The following EPS8 variants were observed in gnomAD, a reference collection of about 807,000 sequenced individuals.
EPS8 encodes the protein EGFR pathway substrate 8, signaling adaptor, also known as epidermal growth factor receptor kinase substrate 8.
Under a neutral mutation model 103.8 loss-of-function variants are expected in EPS8, and 42 were observed. The ratio of observed to expected loss-of-function variants is 0.40; its 90% CI spans 0.32 to 0.52. EPS8 has a LOEUF of 0.52. Ranked by LOEUF, EPS8 falls within the 20% of genes least tolerant of loss-of-function variation. The pLI is 0.40. For missense variants in EPS8, 969 were observed against 1,005.1 expected, an observed-to-expected ratio of 0.96 and a Z score of 0.49; for synonymous variants, 344 against 344.6, an observed-to-expected ratio of 1.00 and a Z score of 0.02.
chr12:15,671,369 T>A (rs1945814611), intron 3 of EPS8, among the ~76,000 whole-genome samples: 1 of 152,076 alleles, frequency 6.6e-6, no homozygotes, highest in Non-Finnish European at 1.5e-5. Flanking sequence ...ATAATAGGCA[T>A]TACAAGGAAC....
At chr12:15,637,104 C>G (rs1945148728) in intron 17 of EPS8, among the ~76,000 whole-genome samples, 2 of 152,310 alleles carry the variant, frequency 1.3e-5, no homozygotes, top group African/African-American at 4.8e-5. Context: ...CACCGCATCC[C>G]CTGCCTCCTG....
At chr12:15,709,771 C>T (rs1479589948) in intron 1 of EPS8, among the ~76,000 whole-genome samples, 1 of 152,194 alleles carries the variant, frequency 6.6e-6, no homozygotes, top group African/African-American at 2.4e-5. Context: ...CGCAGTGGTC[C>T]CCAGCCTTTT....
chr12:15,679,361 A>G (rs564173239), intron 3 of EPS8, among the ~76,000 whole-genome samples: 1 of 152,250 alleles, frequency 6.6e-6, no homozygotes, highest in South Asian at 2.1e-4. Context: ...TTATTTCCCA[A>G]TGCACCACTA....
In EPS8 at chr12:15,759,781, A is replaced by G. The variant is rs1299105583; in HGVS notation, c.-22+29380T>C. On this transcript the variant is annotated intron_variant, in intron 1 of 20. Transcript: ENST00000281172. The surrounding 1 kb of genome is among the most constrained non-coding windows in gnomAD (Gnocchi z 4.9). ...TTTCTTGAAACAAATGATAATGGAA[A>G]CACAACATACCAAAACCTATGTGAA... is the stretch of plus-strand genomic sequence containing the variant. 3.9e-5 allele frequency among the ~76,000 whole-genome samples: 6 copies of G among 152,110 alleles called. No homozygotes were observed. Among genetic ancestry groups the G allele is most frequent in the Non-Finnish European group, 7.4e-5 (5 of 67,968 alleles).
Position 15,700,863 on chromosome 12 carries a change from A to G in EPS8, c.-21-17891T>C, listed in dbSNP as rs1241164506. 6.6e-6 allele frequency among the ~76,000 whole-genome samples: 1 copy of G among 152,222 alleles called. No homozygotes were observed. Among genetic ancestry groups the G allele is most frequent in the African/African-American group, 2.4e-5 (1 of 41,458 alleles). On this transcript the variant is annotated intron_variant, in intron 1 of 20. Transcript: ENST00000281172. The surrounding 1 kb of genome is among the most constrained non-coding windows in gnomAD (Gnocchi z 5.1). ...TCAAACACTGATTAGACAAAATTGA[A>G]GTCTATCACAAAATAGACAAAGGAC...
rs534046028 is a variant in EPS8, at chr12:15,788,528, G to A, written c.-22+633C>T. Among the ~76,000 whole-genome samples, 5 of 152,272 alleles carry A rather than the reference G, an allele frequency of 3.3e-5. No individual in the cohort carries two copies. The South Asian group carries it at 1.0e-3, about 32-fold the overall frequency. ...AGAGGGCAGGGAGTACATGGGTGGG[G>A]AAACCCCTTTCAAATGCATGAACTG... On this transcript the variant is annotated intron_variant, in intron 1 of 20. Coordinates refer to ENST00000281172, the MANE Select transcript of EPS8 (RefSeq NM_004447.6).
chr12:15,722,299 G>A (rs1413591885), intron 1 of EPS8, among the ~76,000 whole-genome samples: 1 of 151,806 alleles, frequency 6.6e-6, no homozygotes, highest in Admixed American at 6.6e-5. Flanking sequence ...GGACAAGCTT[G>A]TTCTACAGCC....
chr12:15,706,814 C>A lies in EPS8; in HGVS notation c.-21-23842G>T, dbSNP rs1280668041. On this transcript the variant is annotated intron_variant, in intron 1 of 20. Transcript: ENST00000281172. This position sits in a 1 kb window ranked among gnomAD's most constrained non-coding sequence, Gnocchi z 5.2. Reference sequence around the variant, plus strand: ...AAATGACACAATTCTCCAACCTACTCTATTGTCTATGTGTACAAGTTTTTT... The same window carrying A: ...AAATGACACAATTCTCCAACCTACTATATTGTCTATGTGTACAAGTTTTTT... 6.6e-6 allele frequency among the ~76,000 whole-genome samples: 1 copy of A among 152,110 alleles called. No individual in the cohort carries two copies. The highest frequency in any genetic ancestry group is 1.5e-5 in the Non-Finnish European group (1 of 68,020).
chr12:15,620,290 T>C lies in EPS8; in HGVS notation c.*1027A>G, dbSNP rs1944841686. 1 of 152,672 alleles carries C rather than the reference T, an allele frequency of 6.5e-6. No homozygotes were observed. Among genetic ancestry groups the C allele is most frequent in the South Asian group, 2.1e-4 (1 of 4,832 alleles). 9.5% of individuals were successfully genotyped at this position (152,672 alleles called of 1,614,324 possible). A position where few individuals can be genotyped will look rare whatever the true frequency, so the allele number is the denominator to read the frequency against. ...TGTTAAAATATACAACATTCTTACATAACATCTGTTTTATATATGTGAAAT... is the reference window on the plus strand; with the variant it reads ...TGTTAAAATATACAACATTCTTACACAACATCTGTTTTATATATGTGAAAT... On this transcript the variant is annotated 3_prime_UTR_variant, in exon 21 of 21. Coordinates refer to ENST00000281172, the MANE Select transcript of EPS8 (RefSeq NM_004447.6).
Position 15,654,171 on chromosome 12 carries a change from T to C in EPS8, c.1224A>G (p.Ser408=), listed in dbSNP as rs776010207. The C allele has an allele frequency of 6.2e-7, 1 of 1,613,792 alleles. No individual in the cohort carries two copies. Among genetic ancestry groups the C allele is most frequent in the Non-Finnish European group, 8.5e-7 (1 of 1,179,760 alleles). ...VNGDERQLWM[S]LGGTWMKARA... ...TGGCTTTCATCCAAGTTCCTCCCAA[T>C]GACATCCACAGCTGCCGTTCATCAC... Residue 408 remains serine, a synonymous_variant, in exon 13 of 21, where the codon TCA becomes TCG. Transcript: ENST00000281172.
In EPS8 at chr12:15,697,063, T is replaced by C. The variant is rs1468175531; in HGVS notation, c.-21-14091A>G. On this transcript the variant is annotated intron_variant, in intron 1 of 20. Coordinates refer to ENST00000281172, the MANE Select transcript of EPS8 (RefSeq NM_004447.6). This position sits in a 1 kb window ranked among gnomAD's most constrained non-coding sequence, Gnocchi z 5.6. ...AGCATTTGCATTTCTTTCTTTCTATTCCCACAGTTCCCATCTCTAACCAAC... is the reference window on the plus strand; with the variant it reads ...AGCATTTGCATTTCTTTCTTTCTATCCCCACAGTTCCCATCTCTAACCAAC... 6.6e-6 allele frequency among the ~76,000 whole-genome samples: 1 copy of C among 152,086 alleles called. No homozygotes were observed. Among genetic ancestry groups the C allele is most frequent in the African/African-American group, 2.4e-5 (1 of 41,410 alleles).
At chr12:15,705,074 T>G (rs1452739372) in intron 1 of EPS8, among the ~76,000 whole-genome samples, 1 of 152,206 alleles carries the variant, frequency 6.6e-6, no homozygotes, top group African/African-American at 2.4e-5. Context: ...AGCAATAAAC[T>G]GAACTGCATC....
At chr12:15,646,103 T>C (rs575965040) in intron 15 of EPS8, among the ~76,000 whole-genome samples, 1 of 152,172 alleles carries the variant, frequency 6.6e-6, no homozygotes, top group East Asian at 1.9e-4. Flanking sequence ...AATTATGTAA[T>C]TAAAACATTC....
intron 1 of EPS8, among the ~76,000 whole-genome samples, chr12:15,722,856 C>A (rs1946611953): frequency 1.3e-5 from 2 of 152,098 alleles, no homozygotes; most frequent in South Asian, 2.1e-4. Context: ...TTCCAAAAGG[C>A]CCCATCTCTT....
chr12:15,767,347 C>A lies in EPS8; in HGVS notation c.-22+21814G>T, dbSNP rs1254088327. Among the ~76,000 whole-genome samples, 3 of 152,122 alleles carry A rather than the reference C, an allele frequency of 2.0e-5. No homozygotes were observed. Among genetic ancestry groups the A allele is most frequent in the African/African-American group, 7.2e-5 (3 of 41,400 alleles). On this transcript the variant is annotated intron_variant, in intron 1 of 20. Transcript: ENST00000281172. The surrounding 1 kb of genome is among the most constrained non-coding windows in gnomAD (Gnocchi z 5.5). Reference sequence around the variant, plus strand: ...ACTAAGGTCTAGTAACTACTGTTCACCAGTGGAATTTTATGCAGAAAAATG... The same window carrying A: ...ACTAAGGTCTAGTAACTACTGTTCAACAGTGGAATTTTATGCAGAAAAATG...
chr12:15,708,090 A>G (rs945931745), intron 1 of EPS8, among the ~76,000 whole-genome samples: 6 of 152,336 alleles, frequency 3.9e-5, no homozygotes, highest in African/African-American at 1.4e-4. Flanking sequence ...TGCCAATCAG[A>G]GACAGTTATT....
rs1351982542 is a variant in EPS8, at chr12:15,787,099, C to CT, written c.-22+2061dup. Among the ~76,000 whole-genome samples the CT allele has an allele frequency of 2.6e-5, 4 of 152,084 alleles. No individual in the cohort carries two copies. The highest frequency in any genetic ancestry group is 4.8e-5 in the African/African-American group (2 of 41,410). ...GAACTTCAAGTATTTAAAGAGACAA[C>CT]TTTTAAAAACCTATCATTTCCTATT... On this transcript the variant is annotated intron_variant, in intron 1 of 20. Transcript: ENST00000281172. This position sits in a 1 kb window ranked among gnomAD's most constrained non-coding sequence, Gnocchi z 4.9.
chr12:15,668,633 A>G (rs1945758198), intron 6 of EPS8, among the ~76,000 whole-genome samples: 1 of 152,216 alleles, frequency 6.6e-6, no homozygotes, highest in Non-Finnish European at 1.5e-5. Context: ...CTATTTTCAC[A>G]TATCATCTGG....
intron 14 of EPS8, among the ~76,000 whole-genome samples, chr12:15,650,081 G>C (rs1333375320): frequency 6.6e-6 from 1 of 152,098 alleles, no homozygotes; most frequent in African/African-American, 2.4e-5. Context: ...CACTTTTAGG[G>C]AATGTGACAA....
Sources: gnomAD v4.1 joint callset for allele counts (sites outside exome capture counted in the v4.1 genomes callset) on GRCh38, gnomAD v4.1.1 for gene constraint, Gnocchi (gnomAD v3.1) non-coding constraint, MANE v1.5 for transcripts, NCBI Gene and HGNC (gene_info 2026-07-23, HGNC 2026-07-21) for gene names.